The following COL6A6 variants were observed in gnomAD, a reference collection of about 807,000 sequenced individuals.
The protein encoded by COL6A6 is collagen alpha-6(VI) chain.
In COL6A6, 183 loss-of-function variants were observed where a neutral mutation model predicts 208.6. That is an observed-to-expected ratio of 0.88 (90% CI 0.78 to 0.99). The LOEUF is 0.99. COL6A6 is among the 50% of genes least tolerant of loss of function. The pLI is 0.00. For synonymous variants in COL6A6, 973 were observed against 1,011.8 expected (o/e 0.96, Z 0.73); for missense variants, 2,816 against 2,815.2 (o/e 1.00, Z -0.01).
chr3:130,563,612 C>G lies in COL6A6; in HGVS notation c.609C>G (p.Ile203Met). 1 of 1,613,888 alleles carries G rather than the reference C, an allele frequency of 6.2e-7. No homozygotes were observed. Among genetic ancestry groups the G allele is most frequent in the Non-Finnish European group, 8.5e-7 (1 of 1,179,806 alleles). The change falls in exon 3 of 37, where the codon ATC (isoleucine) becomes ATG (methionine). Residue 203 changes from isoleucine to methionine, a missense_variant. Coordinates refer to ENST00000358511, the MANE Select transcript of COL6A6 (RefSeq NM_001102608.3). ...TTTCCCAAAACATGACACACATCAT[C>G]AAGGATGTAATAAAGTACAAGGAGG... Reference protein sequence around the residue: ...SMFSQNMTHIIKDVIKYKEGA... With the variant: ...SMFSQNMTHIMKDVIKYKEGA...
intron 36 of COL6A6, among the ~76,000 whole-genome samples, chr3:130,671,750 T>C (rs1424575781): frequency 6.6e-6 from 1 of 152,214 alleles, no homozygotes; most frequent in African/African-American, 2.4e-5. Flanking sequence ...ATGTAGAAGC[T>C]GGTGCTTATC....
At chr3:130,533,610 C>A (rs2062157734) in intron 1 of COL6A6, among the ~76,000 whole-genome samples, 1 of 152,186 alleles carries the variant, frequency 6.6e-6, no homozygotes, top group East Asian at 1.9e-4. Flanking sequence ...TCCTCTTGGT[C>A]CCCCTTTCTG....
rs1220885750 is a variant in COL6A6 at position 130,571,053 on chromosome 3, C to T, written c.2637C>T (p.Asp879=). The part of the protein sequence containing the change: ...KLEVISVLQN[D]QAMGGSTYTA... The stretch of plus-strand genomic sequence containing the variant: ...AGGTAATTTCAGTGCTCCAGAATGA[C>T]CAAGCCATGGGTGGCAGTACTTATA... Residue 879 remains aspartate, a synonymous_variant, in exon 7 of 37, where the codon GAC becomes GAT. Transcript: ENST00000358511. The T allele has an allele frequency of 6.2e-7, 1 of 1,613,872 alleles. No homozygotes were observed. Among genetic ancestry groups the T allele is most frequent in the Non-Finnish European group, 8.5e-7 (1 of 1,179,832 alleles).
At position 130,662,072 on chromosome 3, in the gene COL6A6, C is replaced by T; in HGVS notation, c.6266C>T (p.Ser2089Phe). The part of the protein sequence containing the change: ...LRRNKVIFVI[S>F]AGETSHLDGE... ...AGAAACAAAGTCATATTTGTGATAT[C>T]TGCTGGGGAAACCAGCCACTTAGAT... The change falls in exon 35 of 37, where the codon TCT becomes TTT. Residue 2089 changes from serine to phenylalanine, a missense_variant. Transcript: ENST00000358511. The T allele has an allele frequency of 6.2e-7, 1 of 1,614,030 alleles. No homozygotes were observed. The highest frequency in any genetic ancestry group is 8.5e-7 in the Non-Finnish European group (1 of 1,179,886).
In COL6A6 at chr3:130,568,043, G is replaced by A. The variant is rs752348746; in HGVS notation, c.1844-4G>A. On this transcript the variant is annotated splice_polypyrimidine_tract_variant and splice_region_variant and intron_variant, in intron 5 of 36. Coordinates refer to ENST00000358511, the MANE Select transcript of COL6A6 (RefSeq NM_001102608.3). The stretch of plus-strand genomic sequence containing the variant: ...GAATAAACATCACAGTTTTTCCTAT[G>A]CAGCTTGCAAAGAGATGAAAGCTGA... 3.0e-5 allele frequency: 48 copies of A among 1,596,232 alleles called. No homozygotes were observed. Among genetic ancestry groups the A allele is most frequent in the Non-Finnish European group, 3.8e-5 (45 of 1,171,298 alleles).
chr3:130,591,816 C>T (rs2063722673), intron 13 of COL6A6, among the ~76,000 whole-genome samples: 1 of 152,120 alleles, frequency 6.6e-6, no homozygotes, highest in Non-Finnish European at 1.5e-5. Context: ...ACCTAACAGC[C>T]TTAGCTAAAG....
rs565151504 is a variant in COL6A6 at position 130,550,702 on chromosome 3, C to A, written c.-31-9632C>A. Among the ~76,000 whole-genome samples the A allele has an allele frequency of 1.8e-3, 272 of 152,202 alleles. 1 individual carries two copies. The highest frequency in any genetic ancestry group is 6.2e-3 in the African/African-American group (258 of 41,512). ...CAAGAATAGCAAGGGAAAGACCAGC[C>A]CCAAGATTAAATTACCTCCCCCTGG... On this transcript the variant is annotated intron_variant, in intron 1 of 36. Transcript: ENST00000358511.
rs1559812311 is a variant in COL6A6 at position 130,675,277 on chromosome 3, A to G, written c.6672A>G (p.Lys2224=). Residue 2224 remains lysine, a synonymous_variant, in exon 37 of 37, where the codon AAA becomes AAG. Transcript: ENST00000358511. The part of the protein sequence containing the change: ...LQKAKFFQDK[K]YLSRVARSGR... ...AGGCAAAATTCTTTCAAGATAAAAA[A>G]TATCTTTCAAGAGTAGCAAGAAGTG... 6.3e-7 allele frequency: 1 copy of G among 1,585,888 alleles called. No homozygotes were observed. The highest frequency in any genetic ancestry group is 8.6e-7 in the Non-Finnish European group (1 of 1,164,678).
In COL6A6 at chr3:130,593,055, T is replaced by A; in HGVS notation, c.4372-6T>A. On this transcript the variant is annotated splice_region_variant and splice_polypyrimidine_tract_variant and intron_variant, in intron 15 of 36. Coordinates refer to ENST00000358511, the MANE Select transcript of COL6A6 (RefSeq NM_001102608.3). Reference sequence around the variant, plus strand: ...TACTCTGTTCTAATCATATCTATCTTTTCAGGGAGAAGTTGGGGAAAATGG... The same window carrying A: ...TACTCTGTTCTAATCATATCTATCTATTCAGGGAGAAGTTGGGGAAAATGG... The A allele has an allele frequency of 1.2e-6, 2 of 1,613,050 alleles. No individual in the cohort carries two copies. Among genetic ancestry groups the A allele is most frequent in the South Asian group, 1.1e-5 (1 of 91,056 alleles).
At chr3:130,610,960 C>T (rs532589706) in intron 23 of COL6A6, among the ~76,000 whole-genome samples, 5 of 152,226 alleles carry the variant, frequency 3.3e-5, no homozygotes, top group Admixed American at 6.5e-5. Context: ...TAAATCAGGT[C>T]GCATCACTCC....
In COL6A6 at chr3:130,635,753, G is replaced by A. The variant is rs2108327831; in HGVS notation, c.5083G>A (p.Gly1695Ser). Residue 1695 changes from glycine to serine, a missense_variant, in exon 28 of 37, where the codon GGC (glycine) becomes AGC (serine). Transcript: ENST00000358511. ...PGETGLKGARGKMISAGLPGE... is the reference protein window; with the variant it reads ...PGETGLKGARSKMISAGLPGE... ...AGAGACTGGGCTGAAGGGAGCTAGAGGCAAAATGGTAAGCTTCTTAGATTC... is the reference window on the plus strand; with the variant it reads ...AGAGACTGGGCTGAAGGGAGCTAGAAGCAAAATGGTAAGCTTCTTAGATTC... 2 of 1,611,660 alleles carry A rather than the reference G, an allele frequency of 1.2e-6. No homozygotes were observed. Among genetic ancestry groups the A allele is most frequent in the Non-Finnish European group, 1.7e-6 (2 of 1,177,968 alleles).
chr3:130,525,753 C>A (rs1364785492), intron 1 of COL6A6, among the ~76,000 whole-genome samples: 1 of 152,136 alleles, frequency 6.6e-6, no homozygotes, highest in African/African-American at 2.4e-5. Context: ...TACTAGACTT[C>A]CTTTGCTTCC....
chr3:130,643,913 G>C (rs1246059177), intron 31 of COL6A6, among the ~76,000 whole-genome samples: 1 of 152,152 alleles, frequency 6.6e-6, no homozygotes, highest in Non-Finnish European at 1.5e-5. Context: ...ATAGAACCAT[G>C]ATGGGAATCA....
chr3:130,621,402 AT>A (rs1396385983), intron 23 of COL6A6, among the ~76,000 whole-genome samples: 2 of 152,164 alleles, frequency 1.3e-5, no homozygotes, highest in Admixed American at 6.5e-5. Flanking sequence ...ATATCATATG[AT>A]TTTCCAATAA....
intron 29 of COL6A6, 106 bp downstream of exon 29, chr3:130,641,820 T>C (rs1318252236): frequency 1.8e-6 from 1 of 557,880 alleles, no homozygotes; most frequent in Non-Finnish European, 3.1e-6. Context: ...CTGTCTCTGC[T>C]TCTTGGCCAC....
chr3:130,521,925 T>G (rs1711095441), intron 1 of COL6A6, among the ~76,000 whole-genome samples: 1 of 150,516 alleles, frequency 6.6e-6, no homozygotes, highest in East Asian at 1.9e-4. Context: ...CTCATTAACA[T>G]TGACTTTTTT....
chr3:130,588,983 C>A, intron 11 of COL6A6, 107 bp from the exon 12 acceptor site: 2 of 649,970 alleles, frequency 3.1e-6, no homozygotes, highest in Non-Finnish European at 5.1e-6. Flanking sequence ...GAATGGTGAC[C>A]AGGCTTCTGA....
chr3:130,631,318 C>T (rs2065003019), intron 26 of COL6A6, among the ~76,000 whole-genome samples: 1 of 108,326 alleles, frequency 9.2e-6, no homozygotes, highest in Non-Finnish European at 1.6e-5. Flanking sequence ...ATACATTCCT[C>T]GACACATACA....
chr3:130,564,903 G>A, intron 3 of COL6A6, 91 bp from the exon 4 acceptor site: 2 of 1,396,612 alleles, frequency 1.4e-6, no homozygotes, highest in Non-Finnish European at 2.0e-6. Flanking sequence ...GCATAACTGA[G>A]CTCTGCTGTA....
Sources: allele counts gnomAD v4.1 joint callset (sites outside exome capture counted in the v4.1 genomes callset), GRCh38; gene constraint gnomAD v4.1.1; transcripts MANE v1.5; gene names NCBI Gene and HGNC (gene_info 2026-07-23, HGNC 2026-07-21).